MED12L: variants seen among roughly 807,000 people sequenced by gnomAD.
The protein encoded by MED12L is mediator of RNA polymerase II transcription subunit 12-like protein.
In MED12L, 60 loss-of-function variants were observed where a neutral mutation model predicts 281.3. The ratio of observed to expected loss-of-function variants is 0.21; its 90% CI spans 0.17 to 0.26. MED12L has a LOEUF of 0.26. Among genes scored for constraint, MED12L ranks in the 10% least tolerant of loss-of-function variants. MED12L has a pLI of 1.00. For missense variants in MED12L, 2,146 were observed against 2,680.9 expected, an observed-to-expected ratio of 0.80 and a Z score of 4.41; for synonymous variants, 974 against 987.2, an observed-to-expected ratio of 0.99 and a Z score of 0.25.
In MED12L at chr3:151,337,869, T is replaced by C. The variant is rs759052638; in HGVS notation, c.2251-12190T>C. 3.7e-6 allele frequency: 6 copies of C among 1,614,016 alleles called. No individual in the cohort carries two copies. In the African/African-American group the frequency reaches 4.0e-5, roughly 11 times the overall value. On this transcript the variant is annotated intron_variant, in intron 16 of 44. Transcript: ENST00000687756. ...ACCACCATCCTGTTCTTTTTTCCTA[T>C]TGTCCTGGGACAGAGATGTTGCAGA...
At chr3:151,378,920 A>G (rs954664252) in intron 31 of MED12L, among the ~76,000 whole-genome samples, 7 of 152,236 alleles carry the variant, frequency 4.6e-5, no homozygotes, top group Admixed American at 1.3e-4. Flanking sequence ...GAGCTTTTAA[A>G]ATTCTTATAG....
chr3:151,185,054 G>T (rs1723105656), intron 11 of MED12L, among the ~76,000 whole-genome samples: 1 of 152,028 alleles, frequency 6.6e-6, no homozygotes. Flanking sequence ...GAGGGTAGCT[G>T]GGGCTAGGTT....
At chr3:151,149,480 T>A (rs1718172567) in intron 5 of MED12L, among the ~76,000 whole-genome samples, 1 of 152,160 alleles carries the variant, frequency 6.6e-6, no homozygotes, top group Admixed American at 6.5e-5. Context: ...ATGCTGACAG[T>A]CATCTGAGCC....
chr3:151,313,162 C>T (rs1375553765), intron 16 of MED12L, among the ~76,000 whole-genome samples: 1 of 152,180 alleles, frequency 6.6e-6, no homozygotes, highest in Non-Finnish European at 1.5e-5. Flanking sequence ...CATCTCAGTG[C>T]TGTGCTCCTA....
chr3:151,181,687 A>G (rs910538566), intron 11 of MED12L, among the ~76,000 whole-genome samples: 12 of 146,378 alleles, frequency 8.2e-5, no homozygotes, highest in Admixed American at 2.1e-4. Flanking sequence ...CTGGGTTCAA[A>G]TGATTCTCCT....
intron 15 of MED12L, 64 bp from the exon 16 acceptor site, chr3:151,193,426 G>A (rs1724242003): frequency 4.6e-6 from 6 of 1,294,144 alleles, no homozygotes; most frequent in Admixed American, 1.8e-5. Flanking sequence ...TTGGTATGTA[G>A]CACTGTGGTT....
intron 39 of MED12L, among the ~76,000 whole-genome samples, chr3:151,400,714 C>G (rs183677630): frequency 3.9e-5 from 6 of 152,252 alleles, no homozygotes; most frequent in Non-Finnish European, 5.9e-5. Context: ...AGTAATTACC[C>G]TTTGTTCGGT....
rs559048376 is a variant in MED12L, at chr3:151,147,537, C to T, written c.557-8624C>T. Among the ~76,000 whole-genome samples the T allele has an allele frequency of 7.2e-5, 11 of 152,192 alleles. 1 individual carries two copies. Among genetic ancestry groups the T allele is most frequent in the Non-Finnish European group, 1.3e-4 (9 of 68,036 alleles). On this transcript the variant is annotated intron_variant, in intron 5 of 44. Coordinates refer to ENST00000687756, the MANE Select transcript of MED12L (RefSeq NM_001393769.1). ...TCACTCCCCATTTGCCTTCAGTAGC[C>T]GCAGGCAACCACTAACCTACTTTCT...
At chr3:151,276,896 TTTG>T (rs1372869200) in intron 16 of MED12L, among the ~76,000 whole-genome samples, 2 of 152,102 alleles carry the variant, frequency 1.3e-5, no homozygotes, top group East Asian at 3.9e-4. Context: ...TGGTTTTATT[TTTG>T]TTTGTTTTTG....
intron 43 of MED12L, among the ~76,000 whole-genome samples, chr3:151,421,560 A>G (rs1718252187): frequency 6.6e-6 from 1 of 151,902 alleles, no homozygotes; most frequent in African/African-American, 2.4e-5. Context: ...ACAGGCACGC[A>G]CCATCACACT....
At chr3:151,181,419 A>ATT (rs201215650) in intron 11 of MED12L, among the ~76,000 whole-genome samples, 24 of 141,644 alleles carry the variant, frequency 1.7e-4, no homozygotes, top group African/African-American at 4.9e-4. Context: ...CTTTCCTTCC[A>ATT]TTTTTTTTTT....
chr3:151,226,386 C>T (rs566791513), intron 16 of MED12L, among the ~76,000 whole-genome samples: 1 of 152,230 alleles, frequency 6.6e-6, no homozygotes, highest in South Asian at 2.1e-4. Flanking sequence ...AATGAGTAAA[C>T]GTTTACGTTA....
At chr3:151,133,561 G>A (rs1715709200) in intron 5 of MED12L, among the ~76,000 whole-genome samples, 2 of 151,770 alleles carry the variant, frequency 1.3e-5, no homozygotes, top group South Asian at 4.2e-4. Context: ...AATTAGGGAA[G>A]CCTGAAAGAA....
chr3:151,416,228 A>T, intron 42 of MED12L, 84 bp from the exon 43 acceptor site: 1 of 1,609,010 alleles, frequency 6.2e-7, no homozygotes, highest in East Asian at 2.2e-5. Context: ...TAAAAATTAG[A>T]TAAAAGGTAT....
intron 16 of MED12L, among the ~76,000 whole-genome samples, chr3:151,239,739 A>G (rs988881694): frequency 2.0e-5 from 3 of 152,202 alleles, no homozygotes; most frequent in African/African-American, 7.2e-5. Context: ...AAATACATTT[A>G]TCTATATTTT....
At chr3:151,301,124 A>G (rs1339123657) in intron 16 of MED12L, among the ~76,000 whole-genome samples, 1 of 152,168 alleles carries the variant, frequency 6.6e-6, no homozygotes, top group Admixed American at 6.5e-5. Flanking sequence ...GCAATGATTA[A>G]GGCTCTCAGA....
intron 39 of MED12L, 57 bp downstream of exon 39, chr3:151,394,924 G>GT: frequency 6.2e-7 from 1 of 1,606,636 alleles, no homozygotes; most frequent in South Asian, 1.1e-5. Context: ...TGCTAGCTTG[G>GT]GATAAGTTTG....
intron 11 of MED12L, among the ~76,000 whole-genome samples, chr3:151,173,248 G>C (rs1352945220): frequency 6.6e-6 from 1 of 152,142 alleles, no homozygotes; most frequent in African/African-American, 2.4e-5. Flanking sequence ...CAATGCTAGA[G>C]AGGATGAGAA....
At chr3:151,312,473 C>G (rs1747675179) in intron 16 of MED12L, among the ~76,000 whole-genome samples, 2 of 152,126 alleles carry the variant, frequency 1.3e-5, no homozygotes, top group African/African-American at 2.4e-5. Flanking sequence ...TGGAGGCATT[C>G]CGAATCTTGA....
Sources: gnomAD v4.1 joint callset for allele counts (sites outside exome capture counted in the v4.1 genomes callset) on GRCh38, gnomAD v4.1.1 for gene constraint, MANE v1.5 for transcripts, NCBI Gene and HGNC (gene_info 2026-07-23, HGNC 2026-07-21) for gene names.